RTBDN: variants seen among roughly 807,000 people sequenced by gnomAD.
The protein encoded by RTBDN is retbindin.
In RTBDN, 24 loss-of-function variants were observed where a neutral mutation model predicts 21.9. The observed-to-expected ratio is 1.10, with a 90% CI of 0.79 to 1.54. The LOEUF (loss-of-function observed/expected upper bound fraction) is 1.54. Among genes scored for constraint, RTBDN ranks in the 40% most tolerant of loss-of-function variants. The pLI, the probability that RTBDN is intolerant of heterozygous loss-of-function variation, is 0.00. For missense variants in RTBDN, 325 were observed against 315.2 expected (o/e 1.03, Z -0.23); for synonymous variants, 141 against 125.9 (o/e 1.12, Z -0.80).
intron 5 of RTBDN, chr19:12,826,215 G>A: frequency 7.6e-7 from 1 of 1,320,100 alleles, no homozygotes; most frequent in South Asian, 1.7e-5. Context: ...TGGGCTTCTG[G>A]GTCCTCCAGG....
chr19:12,826,078 G>A, intron 5 of RTBDN, 145 bp from the exon 6 acceptor site: 2 of 1,413,500 alleles, frequency 1.4e-6, no homozygotes, highest in Non-Finnish European at 1.8e-6. Flanking sequence ...TGCGGAACGT[G>A]AGTGGGGGCA....
At position 12,826,868 on chromosome 19, in the gene RTBDN, G is replaced by A. The variant is rs1379940449; in HGVS notation, c.369C>T (p.Phe123=). The change falls in exon 5 of 6, where the codon TTC becomes TTT. Residue 123 remains phenylalanine (F), a synonymous_variant. Transcript: ENST00000674343. ...PLCEELCQAW[F]ANCEDDITCG... ...AGGTGATATCATCTTCGCAGTTGGC[G>A]AACCTGGAGATGGCGAGTGGAGAGG... is the stretch of plus-strand genomic sequence containing the variant. The A allele has an allele frequency of 3.9e-6, 6 of 1,549,984 alleles. No individual in the cohort carries two copies. The highest frequency in any genetic ancestry group is 5.2e-6 in the Non-Finnish European group (6 of 1,146,870).
chr19:12,827,868 C>T (rs958971731), intron 4 of RTBDN, among the ~76,000 whole-genome samples: 3 of 151,940 alleles, frequency 2.0e-5, no homozygotes, highest in East Asian at 1.9e-4. Flanking sequence ...CCAAGGCAGG[C>T]GGACCACCTA....
chr19:12,825,730 G>T lies in RTBDN; in HGVS notation c.666C>A (p.Gly222=), dbSNP rs777465724. 1.1e-5 allele frequency: 17 copies of T among 1,586,194 alleles called. No homozygotes were observed. In the East Asian group the frequency reaches 3.5e-4, roughly 32 times the overall value. The change falls in exon 6 of 6, where the codon GGC becomes GGA. Residue 222 remains glycine (G), a synonymous_variant. Transcript: ENST00000674343. ...SILDAAGSGS[G]SGSGSGP ...GCTAGGGGCCGCTGCCGCTTCCACT[G>T]CCACTCCCGCTGCCCGCAGCGTCCA... is the stretch of plus-strand genomic sequence containing the variant.
chr19:12,834,713 G>C, upstream of RTBDN: 1 of 1,563,448 alleles, frequency 6.4e-7, no homozygotes, highest in Non-Finnish European at 8.8e-7. This position sits in a 1 kb window ranked among gnomAD's most constrained non-coding sequence, Gnocchi z 4.7. Flanking sequence ...TCCACTGCAC[G>C]GAGTGGGACA....
intron 2 of RTBDN, 72 bp downstream of exon 2, chr19:12,829,739 T>C (rs1215644446): frequency 5.1e-5 from 77 of 1,508,660 alleles, no homozygotes; most frequent in Non-Finnish European, 6.6e-5. Context: ...ATAAGGAAAT[T>C]CTAACATTGT....
rs1223360095 is a variant in RTBDN at position 12,825,670 on chromosome 19, GA to G, written c.*35del. On this transcript the variant is annotated 3_prime_UTR_variant, in exon 6 of 6. Transcript: ENST00000674343. ...GGTGTCCTGAGGGGCGGGGCTGGGG[GA>G]AGGGTCGCTCCCCCAACTCAGGGCC... The G allele has an allele frequency of 6.5e-7, 1 of 1,542,298 alleles. No homozygotes were observed. Among genetic ancestry groups the G allele is most frequent in the Admixed American group, 2.0e-5 (1 of 50,570 alleles).
chr19:12,826,194 T>C (rs1969290418), intron 5 of RTBDN: 5 of 1,346,570 alleles, frequency 3.7e-6, no homozygotes, highest in Admixed American at 3.7e-5. Context: ...TGGGGTTTTG[T>C]AGAGAGTGAC....
rs748489438 is a variant in RTBDN at position 12,829,817 on chromosome 19, G to C, written c.163C>G (p.Leu55Val). ...CAGGGTCTGGGGTGCTCACCTGCCAGGTGCAGCTTGCCTTTGCCCAGATCA... is the reference window on the plus strand; with the variant it reads ...CAGGGTCTGGGGTGCTCACCTGCCACGTGCAGCTTGCCTTTGCCCAGATCA... ...AADLGKGKLH[L>V]AGPCCPSEMD... Residue 55 changes from leucine (L) to valine (V), a missense_variant, in exon 2 of 6, where the codon CTG (leucine) becomes GTG (valine). By Grantham distance (32) the Leu-to-Val change is conservative (BLOSUM62 1). Transcript: ENST00000674343. The C allele has an allele frequency of 3.7e-6, 6 of 1,609,916 alleles. No individual in the cohort carries two copies. Among genetic ancestry groups the C allele is most frequent in the Non-Finnish European group, 5.1e-6 (6 of 1,176,658 alleles).
At chr19:12,834,707 C>A (rs1295959218), upstream of RTBDN, 5 of 1,554,794 alleles carry the variant, frequency 3.2e-6, no homozygotes, top group Non-Finnish European at 4.4e-6. The surrounding 1 kb of genome is among the most constrained non-coding windows in gnomAD (Gnocchi z 4.7). Flanking sequence ...CGTGCGTCCA[C>A]TGCACGGAGT....
rs754317861 is a variant in RTBDN, at chr19:12,826,841, G to T, written c.396C>A (p.Cys132Ter). The part of the protein sequence containing the change: ...WFANCEDDIT[C>*]GPTWLPLSEK... ...CTGAGAGTGGGAGCCAAGTCGGGCCGCAGGTGATATCATCTTCGCAGTTGG... is the reference window on the plus strand; with the variant it reads ...CTGAGAGTGGGAGCCAAGTCGGGCCTCAGGTGATATCATCTTCGCAGTTGG... Residue 132 changes from cysteine to a stop codon, truncating the protein, a stop_gained, in exon 5 of 6, where the codon TGC (cysteine) becomes TGA (stop). Transcript: ENST00000674343. LOFTEE classifies it high-confidence loss of function. The T allele has an allele frequency of 4.5e-6, 7 of 1,553,444 alleles. No individual in the cohort carries two copies. Among genetic ancestry groups the T allele is most frequent in the Non-Finnish European group, 6.1e-6 (7 of 1,148,904 alleles).
upstream of RTBDN, chr19:12,835,011 A>G: frequency 6.3e-7 from 1 of 1,586,652 alleles, no homozygotes; most frequent in African/African-American, 1.3e-5. Flanking sequence ...GTTTAGATAA[A>G]GCCGAGAATG....
intron 5 of RTBDN, chr19:12,826,205 T>G: frequency 1.5e-6 from 2 of 1,326,128 alleles, no homozygotes; most frequent in Non-Finnish European, 9.6e-7. Flanking sequence ...AGAGAGTGAC[T>G]GGGCTTCTGG....
At position 12,828,702 on chromosome 19, in the gene RTBDN, C is replaced by T. The variant is rs1203041384; in HGVS notation, c.320G>A (p.Gly107Glu). ...LRSRFRLRLL[G>E]VRQAQPLCEE... is the part of the protein sequence containing the mutation. ...GCAGAGCGGCTGTGCCTGGCGTACC[C>T]CCAATAGCCGCAGGCGGAAGCGACT... The change falls in exon 4 of 6, where the codon GGG (glycine) becomes GAG (glutamate). Residue 107 changes from glycine to glutamate, a missense_variant. Gly to Glu is a moderately conservative substitution (Grantham distance 98, BLOSUM62 -2). Coordinates refer to ENST00000674343, the MANE Select transcript of RTBDN (RefSeq NM_001270441.2). 1.2e-6 allele frequency: 2 copies of T among 1,614,198 alleles called. No individual in the cohort carries two copies. Among genetic ancestry groups the T allele is most frequent in the Non-Finnish European group, 1.7e-6 (2 of 1,180,040 alleles).
In RTBDN at chr19:12,825,533, G is replaced by T; in HGVS notation, c.*173C>A. 2 of 1,000,410 alleles carry T rather than the reference G, an allele frequency of 2.0e-6. No homozygotes were observed. Among genetic ancestry groups the T allele is most frequent in the Non-Finnish European group, 1.4e-6 (1 of 716,608 alleles). The allele number at this position is 1,000,410 out of a possible 1,614,324, so 62.0% of individuals were successfully genotyped here. On this transcript the variant is annotated 3_prime_UTR_variant, in exon 6 of 6. Coordinates refer to ENST00000674343, the MANE Select transcript of RTBDN (RefSeq NM_001270441.2). ...GGGGAGAGGGAAAAGTGAGAGAGTT[G>T]GGTCATTTCTGGGATAACCTGGAGA...
chr19:12,831,016 TTGTGTGTGTGTG>T (rs56204944), intron 1 of RTBDN, among the ~76,000 whole-genome samples: 53 of 132,474 alleles, frequency 4.0e-4, no homozygotes, highest in Middle Eastern at 3.6e-3. Context: ...GGTGGAGTGG[TTGTGTGTGTGTG>T]TGTGTGTGTG....
At chr19:12,829,402 C>A (rs1969465231) in intron 2 of RTBDN, among the ~76,000 whole-genome samples, 2 of 152,154 alleles carry the variant, frequency 1.3e-5, no homozygotes, top group Admixed American at 1.3e-4. Flanking sequence ...GGGGTTTCAC[C>A]ATGCTGGCCA....
chr19:12,828,406 A>G (rs1437172102), intron 4 of RTBDN, among the ~76,000 whole-genome samples: 5 of 151,918 alleles, frequency 3.3e-5, no homozygotes, highest in African/African-American at 4.8e-5. Flanking sequence ...AAAAAAAAAA[A>G]GAAAGAAAGA....
rs1247631373 is a variant in RTBDN at position 12,830,955 on chromosome 19, A to G, written c.-18-958T>C. ...TGTTTGTGTGGCTGTGTGTGTGTTG[A>G]GCATGTATGTGTGTTTTTGTTGTAT... is the stretch of plus-strand genomic sequence containing the variant. On this transcript the variant is annotated intron_variant, in intron 1 of 5. Transcript: ENST00000674343. The surrounding 1 kb of genome is among the most constrained non-coding windows in gnomAD (Gnocchi z 4.2). Among the ~76,000 whole-genome samples, 1 of 122,660 alleles carries G rather than the reference A, an allele frequency of 8.2e-6. No homozygotes were observed. The highest frequency in any genetic ancestry group is 3.3e-5 in the African/African-American group (1 of 30,674). 80.5% of individuals were successfully genotyped at this position (122,660 alleles called of 152,430 possible). A position where few individuals can be genotyped will look rare whatever the true frequency, so the allele number is the denominator to read the frequency against.
Sources: allele counts gnomAD v4.1 joint callset (sites outside exome capture counted in the v4.1 genomes callset), GRCh38; gene constraint gnomAD v4.1.1; non-coding constraint Gnocchi (gnomAD v3.1); transcripts MANE v1.5; gene names NCBI Gene and HGNC (gene_info 2026-07-23, HGNC 2026-07-21).